SLC29A4: variants seen among roughly 807,000 people sequenced by gnomAD.
SLC29A4 encodes the protein equilibrative nucleoside transporter 4.
SLC29A4 carries 36 observed loss-of-function variants against 43.9 expected under a neutral mutation model. That is an observed-to-expected ratio of 0.82 (90% CI 0.63 to 1.08). SLC29A4 has a LOEUF of 1.08. Among genes scored for constraint, SLC29A4 ranks in the 50% least tolerant of loss-of-function variants. The probability of loss-of-function intolerance (pLI) is 0.00; values close to 1 mark genes in which losing one functional copy is unlikely to be tolerated. For synonymous variants in SLC29A4, 491 were observed against 338.0 expected, an observed-to-expected ratio of 1.45 and a Z score of -4.97; for missense variants, 869 against 755.3, an observed-to-expected ratio of 1.15 and a Z score of -1.77.
chr7:5,287,970 G>C lies in SLC29A4; in HGVS notation c.154G>C (p.Ala52Pro), dbSNP rs775032578. Reference protein sequence around the residue: ...GQGLRARGVPAFTDTTLDEPV... With the variant: ...GQGLRARGVPPFTDTTLDEPV... ...GGGCCTTAGGGCCAGGGGCGTCCCA[G>C]CTTTCACGGATACTAGTAAGTAGGC... The change falls in exon 2 of 11, where the codon GCT becomes CCT. Residue 52 changes from alanine (A) to proline (P), a missense_variant. Transcript: ENST00000396872. 9.3e-5 allele frequency: 149 copies of C among 1,609,020 alleles called. 1 individual carries two copies. Among genetic ancestry groups the C allele is most frequent in the Non-Finnish European group, 1.2e-4 (143 of 1,178,862 alleles).
At chr7:5,298,077 G>A (rs62441139) in intron 7 of SLC29A4, among the ~76,000 whole-genome samples, 16,258 of 152,182 alleles carry the variant, frequency 0.11, 1,201 homozygotes, top group Admixed American at 0.2. Flanking sequence ...GGCGGGGCGA[G>A]GGAGCCATTG....
At chr7:5,296,852 T>A (rs1785710198) in intron 6 of SLC29A4, 84 bp from the exon 7 acceptor site, 1 of 1,305,014 alleles carries the variant, frequency 7.7e-7, no homozygotes, top group Admixed American at 3.9e-5. Flanking sequence ...GGGAGGGGTC[T>A]GTGTGTGGAC....
Position 5,287,904 on chromosome 7 carries a change from A to G in SLC29A4, c.88A>G (p.Ser30Gly), listed in dbSNP as rs1785059362. 6.2e-7 allele frequency: 1 copy of G among 1,611,980 alleles called. No individual in the cohort carries two copies. The highest frequency in any genetic ancestry group is 8.5e-7 in the Non-Finnish European group (1 of 1,179,822). ...CGTAGTGATGAGCTTCACCTTCGAC[A>G]GTCACCAGCTGGAGGAGGCGGCGGA... ...PGVVMSFTFD[S>G]HQLEEAAEAA... The change falls in exon 2 of 11, where the codon AGT becomes GGT. Residue 30 changes from serine to glycine, a missense_variant. By Grantham distance (56) the Ser-to-Gly change is moderately conservative (BLOSUM62 0). Transcript: ENST00000396872.
At chr7:5,299,596 G>A (rs1407612431) in intron 9 of SLC29A4, among the ~76,000 whole-genome samples, 169 bp downstream of exon 9, 2 of 152,232 alleles carry the variant, frequency 1.3e-5, no homozygotes, top group East Asian at 1.9e-4. Flanking sequence ...TCTGGAGGGC[G>A]GCCCTGGCCT....
chr7:5,299,960 G>A (rs1032020285), intron 9 of SLC29A4, among the ~76,000 whole-genome samples: 8 of 152,234 alleles, frequency 5.3e-5, no homozygotes, highest in African/African-American at 1.2e-4. Context: ...GCTGAGGCAG[G>A]AGAATCGCTT....
intron 2 of SLC29A4, among the ~76,000 whole-genome samples, 175 bp downstream of exon 2, chr7:5,288,160 T>C (rs1785077331): frequency 1.3e-5 from 2 of 152,084 alleles, no homozygotes; most frequent in South Asian, 4.2e-4. Context: ...CTTCTCAGTG[T>C]CTCCGCCCTG....
chr7:5,291,198 C>G lies in SLC29A4; in HGVS notation c.376C>G (p.Leu126Val). The change falls in exon 4 of 11, where the codon CTG becomes GTG. Residue 126 changes from leucine (L) to valine (V), a missense_variant. Leu to Val is a conservative substitution (Grantham distance 32). Transcript: ENST00000396872. ...ALAAVLLNNV[L>V]VERLTLHTRI... Reference sequence around the variant, plus strand: ...GGCAGCTGTCCTCCTGAACAACGTCCTGGTGGAGAGACTGACCCTGCACAC... The same window carrying G: ...GGCAGCTGTCCTCCTGAACAACGTCGTGGTGGAGAGACTGACCCTGCACAC... 2 of 1,613,592 alleles carry G rather than the reference C, an allele frequency of 1.2e-6. No individual in the cohort carries two copies. Among genetic ancestry groups the G allele is most frequent in the South Asian group, 1.1e-5 (1 of 91,056 alleles).
At chr7:5,288,870 C>T (rs1453790798) in intron 2 of SLC29A4, among the ~76,000 whole-genome samples, 7 of 152,110 alleles carry the variant, frequency 4.6e-5, no homozygotes, top group Admixed American at 2.6e-4. Context: ...CTGACAGGCT[C>T]GGGTTCAAGC....
Position 5,299,260 on chromosome 7 carries a change from G to A in SLC29A4, c.1042G>A (p.Val348Met), listed in dbSNP as rs370235014. ...TFRALLLHRYVVARVIWADML... is the reference protein window; with the variant it reads ...TFRALLLHRYMVARVIWADML... ...TCCAGCCCTGTTACTGCACCGCTAC[G>A]TGGTGGCGCGGGTGATCTGGGCCGA... Residue 348 changes from valine to methionine, a missense_variant, in exon 9 of 11, where the codon GTG becomes ATG. By Grantham distance (21) the Val-to-Met change is conservative. Coordinates refer to ENST00000396872, the MANE Select transcript of SLC29A4 (RefSeq NM_153247.4). The A allele has an allele frequency of 4.3e-5, 70 of 1,612,118 alleles. No individual in the cohort carries two copies. Among genetic ancestry groups the A allele is most frequent in the East Asian group, 1.3e-4 (6 of 44,888 alleles).
chr7:5,291,117 T>C lies in SLC29A4; in HGVS notation c.302-7T>C. 2 of 1,613,462 alleles carry C rather than the reference T, an allele frequency of 1.2e-6. No individual in the cohort carries two copies. Among genetic ancestry groups the C allele is most frequent in the Non-Finnish European group, 1.7e-6 (2 of 1,179,822 alleles). On this transcript the variant is annotated splice_region_variant and splice_polypyrimidine_tract_variant and intron_variant, in intron 3 of 10. Transcript: ENST00000396872. ...CCTGAGCACCTGCTGTCTCTGGCCC[T>C]CTGCAGGGACCTCCATCGTGTTTGA...
chr7:5,287,686 GGCCAACGAGTGTGACCAAA>G, intron 1 of SLC29A4, 104 bp from the exon 2 acceptor site: 2 of 984,518 alleles, frequency 2.0e-6, no homozygotes. Context: ...AGCTTGCTTT[GGCCAACGAGTGTGACCAAA>G]GTGACATGTG....
chr7:5,287,828 G>A lies in SLC29A4; in HGVS notation c.12G>A (p.Val4=), dbSNP rs1357549932. 4.3e-6 allele frequency: 7 copies of A among 1,611,230 alleles called. No homozygotes were observed. The highest frequency in any genetic ancestry group is 1.7e-5 in the Admixed American group (1 of 59,920). ...AAGCAGAGGCTGCCATGGGCTCCGT[G>A]GGGAGCCAGCGCCTTGAGGAGCCCA... is the stretch of plus-strand genomic sequence containing the variant. The part of the protein sequence containing the change: MGS[V]GSQRLEEPSV... Residue 4 remains valine, a synonymous_variant, in exon 2 of 11, where the codon GTG becomes GTA. Transcript: ENST00000396872.
rs1304861571 is a variant in SLC29A4 at position 5,291,829 on chromosome 7, C to A, written c.544+8C>A. The stretch of plus-strand genomic sequence containing the variant: ...TGGCCTTCGGCTGCACAGGTAGGAA[C>A]CGGGGCCCAAGGGGGAGGCCTTGAG... On this transcript the variant is annotated splice_region_variant and intron_variant, in intron 5 of 10. Transcript: ENST00000396872. 2 of 1,610,074 alleles carry A rather than the reference C, an allele frequency of 1.2e-6. No homozygotes were observed. The highest frequency in any genetic ancestry group is 4.5e-5 in the East Asian group (2 of 44,840).
At position 5,296,987 on chromosome 7, in the gene SLC29A4, T is replaced by C. The variant is rs1562450707; in HGVS notation, c.671T>C (p.Leu224Pro). ...AGCCGCATCCTCACGAAGCTGCTGC[T>C]GCCCGACGAGCGCGCCAGCACGCTC... Reference protein sequence around the residue: ...SLSRILTKLLLPDERASTLIF... With the variant: ...SLSRILTKLLPPDERASTLIF... Residue 224 changes from leucine to proline, a missense_variant, in exon 7 of 11, where the codon CTG becomes CCG. Coordinates refer to ENST00000396872, the MANE Select transcript of SLC29A4 (RefSeq NM_153247.4). 6.2e-7 allele frequency: 1 copy of C among 1,602,910 alleles called. No homozygotes were observed. The highest frequency in any genetic ancestry group is 8.5e-7 in the Non-Finnish European group (1 of 1,179,504).
At position 5,299,114 on chromosome 7, in the gene SLC29A4, C is replaced by T. The variant is rs1284983751; in HGVS notation, c.1009C>T (p.Pro337Ser). 1.9e-6 allele frequency: 3 copies of T among 1,610,052 alleles called. No homozygotes were observed. Among genetic ancestry groups the T allele is most frequent in the Non-Finnish European group, 2.5e-6 (3 of 1,178,952 alleles). ...VPRPRVQRSW[P>S]TFRALLLHRY... is the part of the protein sequence containing the mutation. ...GCGGCCAAGGGTCCAGCGCAGCTGG[C>T]CCACCTTCAGAGGTGAGTGCGGGGA... Residue 337 changes from proline to serine, a missense_variant, in exon 8 of 11, where the codon CCC becomes TCC. Pro to Ser is a moderately conservative substitution (Grantham distance 74). Coordinates refer to ENST00000396872, the MANE Select transcript of SLC29A4 (RefSeq NM_153247.4).
intron 7 of SLC29A4, among the ~76,000 whole-genome samples, chr7:5,298,573 C>T (rs1461704996): frequency 6.6e-6 from 1 of 152,124 alleles, no homozygotes; most frequent in East Asian, 1.9e-4. Context: ...GGGAGGATCG[C>T]TTGAGCCCAA....
In SLC29A4 at chr7:5,291,233, C is replaced by G. The variant is rs145785340; in HGVS notation, c.411C>G (p.Thr137=). ...VERLTLHTRI[T]AGYLLALGPL... is the part of the protein sequence containing the mutation. ...GACTGACCCTGCACACCAGGATCAC[C>G]GCAGGTGCGCTGGGCCCCGCCACGG... is the stretch of plus-strand genomic sequence containing the variant. The change falls in exon 4 of 11, where the codon ACC becomes ACG. Residue 137 remains threonine (T), a synonymous_variant. Coordinates refer to ENST00000396872, the MANE Select transcript of SLC29A4 (RefSeq NM_153247.4). 2.2e-4 allele frequency: 359 copies of G among 1,612,040 alleles called. 3 individuals are homozygous for G. The Middle Eastern group carries it at 2.4e-3, about 11-fold the overall frequency.
intron 6 of SLC29A4, among the ~76,000 whole-genome samples, chr7:5,295,366 C>T (rs1393435858): frequency 6.6e-6 from 1 of 152,212 alleles, no homozygotes; most frequent in Non-Finnish European, 1.5e-5. Flanking sequence ...CCCTGGTCAG[C>T]ACCCCATGTG....
chr7:5,297,566 C>T (rs758995884), intron 7 of SLC29A4, among the ~76,000 whole-genome samples: 20 of 152,242 alleles, frequency 1.3e-4, no homozygotes, highest in Non-Finnish European at 2.8e-4. Flanking sequence ...GGGTCTCAGC[C>T]CTCCTGGCTG....
Sources: gnomAD v4.1 joint callset for allele counts (sites outside exome capture counted in the v4.1 genomes callset) on GRCh38, gnomAD v4.1.1 for gene constraint, MANE v1.5 for transcripts, NCBI Gene and HGNC (gene_info 2026-07-23, HGNC 2026-07-21) for gene names.